The following IGSF9B variants were observed in gnomAD, a reference collection of about 807,000 sequenced individuals.
IGSF9B encodes the protein protein turtle homolog B.
In IGSF9B, 48 loss-of-function variants were observed where a neutral mutation model predicts 143.7. The ratio of observed to expected loss-of-function variants is 0.33; its 90% CI spans 0.26 to 0.42. The LOEUF (loss-of-function observed/expected upper bound fraction) is 0.42, where lower values mean the gene tolerates loss of function less well. IGSF9B is among the 20% of genes least tolerant of loss of function. The pLI is 1.00. For synonymous variants in IGSF9B, 903 were observed against 833.1 expected (o/e 1.08, Z -1.44); for missense variants, 1,706 against 1,980.0 (o/e 0.86, Z 2.63).
chr11:133,903,621 T>C lies in IGSF9B; in HGVS notation c.*5448A>G, dbSNP rs1939173076. 6.6e-6 allele frequency among the ~76,000 whole-genome samples: 1 copy of C among 152,228 alleles called. No individual in the cohort carries two copies. The highest frequency in any genetic ancestry group is 1.5e-5 in the Non-Finnish European group (1 of 68,038). On this transcript the variant is annotated 3_prime_UTR_variant, in exon 20 of 20. Transcript: ENST00000533871. ...CATGGGATCCCTCAGGGGATGGTGG[T>C]GTCTTTGGACCAAATTCAATCTACT...
At chr11:133,946,376 A>G (rs1940052641) in intron 1 of IGSF9B, 118 bp from the exon 2 acceptor site, 1 of 803,132 alleles carries the variant, frequency 1.2e-6, no homozygotes, top group East Asian at 2.7e-5. Flanking sequence ...TCCATGGGCC[A>G]CCGTACCCTC....
At position 133,925,943 on chromosome 11, in the gene IGSF9B, T is replaced by C. The variant is rs1275744192; in HGVS notation, c.1830A>G (p.Glu610=). The change falls in exon 14 of 20, where the codon GAA becomes GAG. Residue 610 remains glutamate, a synonymous_variant. Transcript: ENST00000533871. The stretch of plus-strand genomic sequence containing the variant: ...TCGGTGGGGTGACCAGCACCAGGGG[T>C]TCTGGAGTTGTAATAGGGAATGCTG... The part of the protein sequence containing the change: ...NTLAFPITTP[E]PLVLVTPPRC... 2 of 1,604,660 alleles carry C rather than the reference T, an allele frequency of 1.2e-6. No individual in the cohort carries two copies.
At chr11:133,923,840 C>T (rs1036929378) in intron 15 of IGSF9B, among the ~76,000 whole-genome samples, 1 of 152,238 alleles carries the variant, frequency 6.6e-6, no homozygotes, top group African/African-American at 2.4e-5. Context: ...GGTGGGCCCA[C>T]ACAACACCCC....
At chr11:133,916,358 G>A (rs975736069) in intron 18 of IGSF9B, among the ~76,000 whole-genome samples, 2 of 152,210 alleles carry the variant, frequency 1.3e-5, no homozygotes, top group African/African-American at 4.8e-5. Flanking sequence ...AAGAAACAGT[G>A]AGAACGCACG....
chr11:133,922,827 G>A (rs1939566869), intron 15 of IGSF9B, 97 bp from the exon 16 acceptor site: 1 of 1,208,836 alleles, frequency 8.3e-7, no homozygotes, highest in Non-Finnish European at 1.1e-6. Flanking sequence ...TGCCTTTGTA[G>A]AACAGACAGT....
intron 18 of IGSF9B, chr11:133,918,901 G>A (rs971153252): frequency 4.4e-6 from 2 of 454,184 alleles, no homozygotes; most frequent in Non-Finnish European, 4.4e-6. Flanking sequence ...TGGTGAGGAA[G>A]GAAGATAGGA....
At chr11:133,944,468 CATACCATTCCCTATGGCAGGGCTCCAGA>C in intron 2 of IGSF9B, 102 bp from the exon 3 acceptor site, 1 of 1,226,902 alleles carries the variant, frequency 8.2e-7, no homozygotes, top group Non-Finnish European at 1.2e-6. Context: ...TCATAATCTT[CATACCATTCCCTATGGCAGGGCTCCAGA>C]ATAACAGCTG....
intron 1 of IGSF9B, among the ~76,000 whole-genome samples, chr11:133,954,489 T>C (rs977509938): frequency 2.6e-5 from 4 of 152,028 alleles, no homozygotes; most frequent in Non-Finnish European, 4.4e-5. Flanking sequence ...GGGAAAGAAA[T>C]TGAGGAGGAT....
At chr11:133,915,392 C>CCAA (rs1000511863) in intron 18 of IGSF9B, among the ~76,000 whole-genome samples, 5 of 151,882 alleles carry the variant, frequency 3.3e-5, no homozygotes, top group African/African-American at 1.2e-4. Context: ...CCTCAGCCCC[C>CCAA]CAAGGAGCTG....
intron 3 of IGSF9B, among the ~76,000 whole-genome samples, chr11:133,939,915 A>G (rs645376): frequency 0.63 from 80,793 of 128,754 alleles, 25,168 homozygotes; most frequent in Non-Finnish European, 0.74. Flanking sequence ...CACCTTGCAC[A>G]TCCTCGCACG....
At chr11:133,949,896 C>T (rs1483042101) in intron 1 of IGSF9B, among the ~76,000 whole-genome samples, 1 of 151,682 alleles carries the variant, frequency 6.6e-6, no homozygotes, top group African/African-American at 2.4e-5. Context: ...GTCTCACTCT[C>T]TTTAGAGAAG....
Position 133,908,104 on chromosome 11 carries a change from G to A in IGSF9B, c.*965C>T, listed in dbSNP as rs916071577. Among the ~76,000 whole-genome samples, 8 of 152,324 alleles carry A rather than the reference G, an allele frequency of 5.3e-5. No individual in the cohort carries two copies. The highest frequency in any genetic ancestry group is 1.4e-4 in the African/African-American group (6 of 41,570). On this transcript the variant is annotated 3_prime_UTR_variant, in exon 20 of 20. Transcript: ENST00000533871. ...GTGGCTCCGCAGTGGGGAGACTTTG[G>A]CCACAGAGCTCACGGCCTGGCTGGG... is the stretch of plus-strand genomic sequence containing the variant.
intron 5 of IGSF9B, among the ~76,000 whole-genome samples, chr11:133,936,806 C>G (rs1470228936): frequency 6.6e-6 from 1 of 152,170 alleles, no homozygotes; most frequent in South Asian, 2.1e-4. Context: ...GAGGCTAAGC[C>G]GGGGGCCGAG....
At chr11:133,946,488 G>A (rs1420073083) in intron 1 of IGSF9B, among the ~76,000 whole-genome samples, 2 of 152,030 alleles carry the variant, frequency 1.3e-5, no homozygotes, top group African/African-American at 2.4e-5. Flanking sequence ...GGGAAAGGAA[G>A]GGAGAGGAAA....
chr11:133,940,937 C>G (rs541871059), intron 3 of IGSF9B, among the ~76,000 whole-genome samples: 1 of 152,242 alleles, frequency 6.6e-6, no homozygotes, highest in African/African-American at 2.4e-5. Context: ...TTATCTCCGA[C>G]ACAGCCCCTG....
Position 133,925,850 on chromosome 11 carries a change from G to T in IGSF9B, c.1923C>A (p.Ser641Arg). Reference sequence around the variant, plus strand: ...CCATGATGTAGCGGTCGATGGGAAAGCTGTGGTTGGCAGGCGGAAGCCAGG... The same window carrying T: ...CCATGATGTAGCGGTCGATGGGAAATCTGTGGTTGGCAGGCGGAAGCCAGG... ...LLSWLPPANH[S>R]FPIDRYIMEF... is the part of the protein sequence containing the mutation. The change falls in exon 14 of 20, where the codon AGC (serine) becomes AGA (arginine). Residue 641 changes from serine to arginine, a missense_variant. Ser to Arg is a moderately radical substitution (Grantham distance 110). Around this residue, in one of 7 missense-constraint regions of IGSF9B, gnomAD observed 267 missense variants for 321.1 expected, o/e 0.83. Transcript: ENST00000533871. The T allele has an allele frequency of 6.2e-7, 1 of 1,613,836 alleles. No individual in the cohort carries two copies. Among genetic ancestry groups the T allele is most frequent in the Non-Finnish European group, 8.5e-7 (1 of 1,179,852 alleles).
rs749101535 is a variant in IGSF9B at position 133,924,836 on chromosome 11, G to A, written c.2103C>T (p.Ala701=). ...CCAAAATACCTGTGCTGGAGACGCC[G>A]GCGATGTTGCTGGGCTCGCTGATCA... ...QDLISEPSNI[A]GVSSTDIFPQ... is the part of the protein sequence containing the mutation. The change falls in exon 15 of 20, where the codon GCC becomes GCT. Residue 701 remains alanine (A), a synonymous_variant. Coordinates refer to ENST00000533871, the MANE Select transcript of IGSF9B (RefSeq NM_001277285.4). 5 of 1,613,766 alleles carry A rather than the reference G, an allele frequency of 3.1e-6. No homozygotes were observed. Among genetic ancestry groups the A allele is most frequent in the South Asian group, 1.1e-5 (1 of 91,070 alleles).
chr11:133,923,162 A>G (rs747439705), intron 15 of IGSF9B, among the ~76,000 whole-genome samples: 15 of 152,236 alleles, frequency 9.9e-5, no homozygotes, highest in Non-Finnish European at 1.9e-4. Flanking sequence ...TTACGTGGAT[A>G]TTGCCATCAG....
At chr11:133,956,634 C>A (rs1320353498) in intron 1 of IGSF9B, 57 bp downstream of exon 1, 5 of 1,193,040 alleles carry the variant, frequency 4.2e-6, no homozygotes, top group Non-Finnish European at 5.9e-6. Context: ...AGGGGCCGGG[C>A]GCGAGGGGCC....
Sources: gnomAD v4.1 joint callset for allele counts (sites outside exome capture counted in the v4.1 genomes callset) on GRCh38, gnomAD v4.1.1 for gene constraint, gnomAD v4.1.1 regional missense constraint, MANE v1.5 for transcripts, NCBI Gene and HGNC (gene_info 2026-07-23, HGNC 2026-07-21) for gene names.